TMEM182: variants seen among roughly 807,000 people sequenced by gnomAD.
TMEM182 encodes transmembrane protein 182.
Under a neutral mutation model 26.8 loss-of-function variants are expected in TMEM182, and 20 were observed. That is an observed-to-expected ratio of 0.75 (90% confidence interval 0.53 to 1.09). The LOEUF (loss-of-function observed/expected upper bound fraction) is 1.09. Ranked by LOEUF, TMEM182 falls within the 50% of genes least tolerant of loss-of-function variation. The pLI is 0.00. For missense variants in TMEM182, 277 were observed against 275.5 expected (o/e 1.01, Z -0.04); for synonymous variants, 109 against 102.2 (o/e 1.07, Z -0.40).
intron 3 of TMEM182, among the ~76,000 whole-genome samples, chr2:102,778,929 T>C (rs2540287): frequency 0.31 from 46,396 of 151,886 alleles, 7,264 homozygotes; most frequent in South Asian, 0.42. Context: ...TTTTACTCTT[T>C]CCATTGTTTT....
At chr2:102,772,141 A>G (rs1166311882) in intron 3 of TMEM182, among the ~76,000 whole-genome samples, 1 of 152,162 alleles carries the variant, frequency 6.6e-6, no homozygotes, top group Non-Finnish European at 1.5e-5. Context: ...ACCCCGAAGG[A>G]GAAAGGAGCT....
rs978403187 is a variant in TMEM182, at chr2:102,782,693, A to G, written c.332-15170A>G. 2.6e-5 allele frequency among the ~76,000 whole-genome samples: 4 copies of G among 152,186 alleles called. No individual in the cohort carries two copies. The East Asian group carries it at 5.8e-4, about 22-fold the overall frequency. On this transcript the variant is annotated intron_variant, in intron 3 of 4. Coordinates refer to ENST00000412401, the MANE Select transcript of TMEM182 (RefSeq NM_144632.5). ...CTTTTTTCATAGTCAACTTTAGAAC[A>G]TTTAAAAAATATTTATGATTCGTGT...
upstream of TMEM182, among the ~76,000 whole-genome samples, chr2:102,761,523 A>G (rs554825022): frequency 6.6e-6 from 1 of 152,340 alleles, no homozygotes; most frequent in Admixed American, 6.5e-5. Context: ...TACCATGAAC[A>G]TTCTTGACCT....
intron 1 of TMEM182, among the ~76,000 whole-genome samples, chr2:102,753,430 A>C (rs1192203683): frequency 6.6e-6 from 1 of 152,194 alleles, no homozygotes; most frequent in African/African-American, 2.4e-5. Flanking sequence ...GTTCAGTGTA[A>C]ACTATTCATT....
chr2:102,841,536 C>T (rs1257988360), intron 3 of TMEM182, among the ~76,000 whole-genome samples: 1 of 152,180 alleles, frequency 6.6e-6, no homozygotes, highest in Non-Finnish European at 1.5e-5. Context: ...CAGACAGGCT[C>T]CGCAGCAATG....
intron 3 of TMEM182, among the ~76,000 whole-genome samples, chr2:102,790,449 A>G (rs937038482): frequency 4.6e-5 from 7 of 152,182 alleles, no homozygotes; most frequent in African/African-American, 1.7e-4. Context: ...ATGGGGCTTT[A>G]CTTTCCTAAC....
At chr2:102,779,630 T>C (rs1383191352) in intron 3 of TMEM182, among the ~76,000 whole-genome samples, 1 of 152,244 alleles carries the variant, frequency 6.6e-6, no homozygotes, top group Admixed American at 6.5e-5. Context: ...GTTAATGTTT[T>C]CATTTTAGTA....
intron 3 of TMEM182, among the ~76,000 whole-genome samples, chr2:102,776,896 C>G (rs188910403): frequency 0.015 from 2,323 of 152,262 alleles, 66 homozygotes; most frequent in African/African-American, 0.053. Flanking sequence ...TCTCTAATGA[C>G]ATATGATGTT....
At chr2:102,738,842 T>C (rs1679462583) in intron 1 of TMEM182, among the ~76,000 whole-genome samples, 1 of 152,186 alleles carries the variant, frequency 6.6e-6, no homozygotes, top group Admixed American at 6.5e-5. Context: ...TGGCCTATAT[T>C]TAATGATGTT....
chr2:102,757,345 T>C (rs546226018), upstream of TMEM182: 3 of 152,312 alleles, frequency 2.0e-5, no homozygotes, highest in South Asian at 6.2e-4. Context: ...TAAATTATTG[T>C]GAGTTGCCTT....
At chr2:102,834,320 T>G in intron 3 of TMEM182, 1 of 919,690 alleles carries the variant, frequency 1.1e-6, no homozygotes, top group Non-Finnish European at 1.3e-6. Context: ...ATTTACCATC[T>G]TAGGACTCGT....
At chr2:102,761,567 C>T (rs945851171), upstream of TMEM182, among the ~76,000 whole-genome samples, 2 of 152,174 alleles carry the variant, frequency 1.3e-5, no homozygotes, top group Non-Finnish European at 2.9e-5. Context: ...AGATTATAAA[C>T]GTGAACTGTA....
intron 1 of TMEM182, among the ~76,000 whole-genome samples, chr2:102,740,905 A>G (rs186797560): frequency 1.8e-4 from 28 of 152,348 alleles, no homozygotes; most frequent in East Asian, 1.5e-3. Flanking sequence ...CTCAATTTCT[A>G]TAACAACATG....
chr2:102,799,342 A>C (rs887860243), intron 4 of TMEM182, among the ~76,000 whole-genome samples: 10 of 152,246 alleles, frequency 6.6e-5, no homozygotes, highest in Non-Finnish European at 1.3e-4. Flanking sequence ...TTAATTCTGC[A>C]GAGGGAATAA....
chr2:102,792,998 C>T lies in TMEM182; in HGVS notation c.332-4865C>T, dbSNP rs540768204. Reference sequence around the variant, plus strand: ...TTTCTTGCATCCCCTCCACTGCCCGCTGCCTTGACGCTCCTGCTGCTTCCT... The same window carrying T: ...TTTCTTGCATCCCCTCCACTGCCCGTTGCCTTGACGCTCCTGCTGCTTCCT... On this transcript the variant is annotated intron_variant, in intron 3 of 4. Transcript: ENST00000412401. 3.3e-5 allele frequency among the ~76,000 whole-genome samples: 5 copies of T among 150,802 alleles called. No individual in the cohort carries two copies. The East Asian group carries it at 9.7e-4, about 29-fold the overall frequency.
chr2:102,805,717 T>C (rs1043445551), intron 4 of TMEM182, among the ~76,000 whole-genome samples: 18 of 152,174 alleles, frequency 1.2e-4, no homozygotes, highest in African/African-American at 4.3e-4. Context: ...ATCTTTATCC[T>C]GAAAGACGGT....
intron 3 of TMEM182, among the ~76,000 whole-genome samples, chr2:102,832,405 C>T (rs1262132044): frequency 6.6e-6 from 1 of 152,186 alleles, no homozygotes; most frequent in Non-Finnish European, 1.5e-5. Context: ...AGGTGCAGTG[C>T]CTTGAGTATC....
At chr2:102,823,054 C>T (rs1278693204) in intron 3 of TMEM182, among the ~76,000 whole-genome samples, 1 of 152,108 alleles carries the variant, frequency 6.6e-6, no homozygotes, top group Non-Finnish European at 1.5e-5. Context: ...AAAATAAGAT[C>T]CCCAAGAGTC....
At chr2:102,740,569 T>C (rs1484911034) in intron 1 of TMEM182, among the ~76,000 whole-genome samples, 1 of 152,194 alleles carries the variant, frequency 6.6e-6, no homozygotes, top group Non-Finnish European at 1.5e-5. Context: ...TTATAAGCAG[T>C]GCGAGAATGG....
Sources: gnomAD v4.1 joint callset for allele counts (sites outside exome capture counted in the v4.1 genomes callset) on GRCh38, gnomAD v4.1.1 for gene constraint, MANE v1.5 for transcripts, NCBI Gene and HGNC (gene_info 2026-07-23, HGNC 2026-07-21) for gene names.